COL21A1: variants seen among roughly 807,000 people sequenced by gnomAD.
The protein encoded by COL21A1 is collagen alpha-1(XXI) chain.
Under a neutral mutation model 137.9 loss-of-function variants are expected in COL21A1, and 149 were observed. That is an observed-to-expected ratio of 1.08 (90% confidence interval 0.95 to 1.24). COL21A1 has a LOEUF of 1.24. COL21A1 is among the 50% of genes most tolerant of loss of function. The pLI is 0.00. For synonymous variants in COL21A1, 456 were observed against 391.5 expected (o/e 1.16, Z -1.95); for missense variants, 1,167 against 1,158.4 (o/e 1.01, Z -0.11).
At chr6:56,200,154 G>A (rs2152297082) in intron 1 of COL21A1, among the ~76,000 whole-genome samples, 1 of 152,294 alleles carries the variant, frequency 6.6e-6, no homozygotes, top group East Asian at 1.9e-4. Context: ...AGAAAGGTCA[G>A]TGAGTCATGC....
At chr6:56,142,034 A>T in intron 10 of COL21A1, 51 bp from the exon 11 acceptor site, 1 of 1,339,474 alleles carries the variant, frequency 7.5e-7, no homozygotes, top group Non-Finnish European at 1.0e-6. Context: ...ATATTTACCA[A>T]GAGAAGTTCT....
intron 1 of COL21A1, among the ~76,000 whole-genome samples, chr6:56,273,017 A>G (rs1340354023): frequency 6.6e-6 from 1 of 152,226 alleles, no homozygotes; most frequent in Non-Finnish European, 1.5e-5. Flanking sequence ...AAAAATCAAA[A>G]TCATACCAAC....
At position 56,158,586 on chromosome 6, in the gene COL21A1, T is replaced by A. The variant is rs1005007074; in HGVS notation, c.1372-1637A>T. Among the ~76,000 whole-genome samples the A allele has an allele frequency of 2.0e-5, 3 of 152,128 alleles. No individual in the cohort carries two copies. In the East Asian group the frequency reaches 5.8e-4, roughly 29 times the overall value. Reference sequence around the variant, plus strand: ...TGAGCCTGATCTCTTTACTATTTTTTATCAAGAAATCATTCACATAGAAAT... The same window carrying A: ...TGAGCCTGATCTCTTTACTATTTTTAATCAAGAAATCATTCACATAGAAAT... On this transcript the variant is annotated intron_variant, in intron 9 of 29. Transcript: ENST00000244728.
intron 1 of COL21A1, among the ~76,000 whole-genome samples, chr6:56,270,440 A>G (rs1243965477): frequency 6.6e-6 from 1 of 152,224 alleles, no homozygotes; most frequent in Non-Finnish European, 1.5e-5. Context: ...GACTGATGAA[A>G]AGGCTTAGAC....
At chr6:56,267,754 TAA>T (rs61326932) in intron 1 of COL21A1, among the ~76,000 whole-genome samples, 24,854 of 130,970 alleles carry the variant, frequency 0.19, 3,238 homozygotes, top group African/African-American at 0.38. Context: ...AAGACTCTGT[TAA>T]AAAAAAAAAA....
chr6:56,100,918 G>A (rs1382075419), intron 17 of COL21A1, among the ~76,000 whole-genome samples: 1 of 152,070 alleles, frequency 6.6e-6, no homozygotes, highest in African/African-American at 2.4e-5. Context: ...ATTTCTTGAG[G>A]GTAGGTACCT....
At chr6:56,111,446 G>C (rs1344071163) in intron 16 of COL21A1, among the ~76,000 whole-genome samples, 2 of 152,146 alleles carry the variant, frequency 1.3e-5, no homozygotes, top group Admixed American at 6.5e-5. Flanking sequence ...GCCAATATTG[G>C]TTTCTTAGTT....
At chr6:56,261,453 A>T (rs1294442130) in intron 1 of COL21A1, among the ~76,000 whole-genome samples, 1 of 152,170 alleles carries the variant, frequency 6.6e-6, no homozygotes, top group East Asian at 1.9e-4. Flanking sequence ...TCGTAAGGGC[A>T]GAGCCCTCAT....
intron 1 of COL21A1, among the ~76,000 whole-genome samples, chr6:56,203,414 A>G (rs1779535697): frequency 6.6e-6 from 1 of 152,248 alleles, no homozygotes; most frequent in African/African-American, 2.4e-5. Flanking sequence ...ATCAAGTGAT[A>G]TGAATAAAAT....
intron 1 of COL21A1, among the ~76,000 whole-genome samples, chr6:56,363,379 T>C (rs1349839995): frequency 6.6e-6 from 1 of 152,248 alleles, no homozygotes; most frequent in Non-Finnish European, 1.5e-5. Flanking sequence ...ATCTTCATTT[T>C]TCTGATCTGA....
chr6:56,301,858 C>CCGT (rs74644682), intron 1 of COL21A1, among the ~76,000 whole-genome samples: 1 of 151,342 alleles, frequency 6.6e-6, no homozygotes, highest in Non-Finnish European at 1.5e-5. Flanking sequence ...TATTTCTCCC[C>CCGT]CCCCCAATCC....
intron 16 of COL21A1, among the ~76,000 whole-genome samples, chr6:56,110,866 A>G (rs1297268628): frequency 6.6e-6 from 1 of 152,138 alleles, no homozygotes; most frequent in Admixed American, 6.5e-5. Context: ...TGGATTGAAA[A>G]ATTCAATATT....
intron 2 of COL21A1, among the ~76,000 whole-genome samples, chr6:56,181,688 A>T (rs1363203572): frequency 6.6e-6 from 1 of 152,106 alleles, no homozygotes; most frequent in Non-Finnish European, 1.5e-5. Context: ...CATCCTGAGA[A>T]CCTCTTCCTT....
chr6:56,219,398 A>G (rs1390746197), intron 1 of COL21A1, among the ~76,000 whole-genome samples: 1 of 151,990 alleles, frequency 6.6e-6, no homozygotes, highest in Admixed American at 6.6e-5. Context: ...TGATCAACAG[A>G]AAGGGCCCAA....
intron 1 of COL21A1, among the ~76,000 whole-genome samples, chr6:56,183,244 A>C (rs772463092): frequency 6.6e-6 from 1 of 151,914 alleles, no homozygotes; most frequent in Non-Finnish European, 1.5e-5. Flanking sequence ...CATTCACAAC[A>C]ATGAGTACAT....
chr6:56,116,650 G>A (rs942523619), intron 16 of COL21A1, among the ~76,000 whole-genome samples: 4 of 151,664 alleles, frequency 2.6e-5, no homozygotes, highest in East Asian at 1.9e-4. Flanking sequence ...AGAAAAACAC[G>A]GAATATTATA....
At chr6:56,359,950 G>T (rs559002530) in intron 1 of COL21A1, among the ~76,000 whole-genome samples, 21 of 152,284 alleles carry the variant, frequency 1.4e-4, no homozygotes, top group African/African-American at 5.1e-4. Flanking sequence ...AAACTAGCAA[G>T]ATATGATGTG....
chr6:56,061,556 T>G, intron 25 of COL21A1, 93 bp downstream of exon 25: 2 of 720,690 alleles, frequency 2.8e-6, no homozygotes, highest in Non-Finnish European at 2.2e-6. Flanking sequence ...TTTTCTGGTT[T>G]TTACTCAAAA....
At chr6:56,151,184 C>T (rs770129158) in intron 10 of COL21A1, among the ~76,000 whole-genome samples, 6 of 152,130 alleles carry the variant, frequency 3.9e-5, no homozygotes, top group Non-Finnish European at 5.9e-5. Flanking sequence ...CGAGATCGCT[C>T]GGCTGCACTC....
Sources: allele counts gnomAD v4.1 joint callset (sites outside exome capture counted in the v4.1 genomes callset), GRCh38; gene constraint gnomAD v4.1.1; transcripts MANE v1.5; gene names NCBI Gene and HGNC (gene_info 2026-07-23, HGNC 2026-07-21).